Variants in PDE4B observed in about 807,000 individuals in gnomAD.
The protein encoded by PDE4B is 3',5'-cyclic-AMP phosphodiesterase 4B.
A neutral mutation model predicts 82.2 loss-of-function variants in PDE4B; 20 were observed. That is an observed-to-expected ratio of 0.24 (90% confidence interval 0.17 to 0.35). The LOEUF (loss-of-function observed/expected upper bound fraction) is 0.35, where lower values mean the gene tolerates loss of function less well. Among genes scored for constraint, PDE4B ranks in the 10% least tolerant of loss-of-function variants. The pLI is 1.00. For synonymous variants in PDE4B, 320 were observed against 318.9 expected, an observed-to-expected ratio of 1.00 and a Z score of -0.04; for missense variants, 655 against 907.2, an observed-to-expected ratio of 0.72 and a Z score of 3.57.
At chr1:65,810,455 G>A (rs1645805857) in intron 1 of PDE4B, among the ~76,000 whole-genome samples, 1 of 152,234 alleles carries the variant, frequency 6.6e-6, no homozygotes, top group South Asian at 2.1e-4. Context: ...AGTTTATATA[G>A]CGAGGGCTGA....
chr1:66,146,004 G>C (rs1377547875), intron 3 of PDE4B, among the ~76,000 whole-genome samples: 1 of 152,098 alleles, frequency 6.6e-6, no homozygotes. Context: ...AGTCAGTCAG[G>C]ACAGGAAGGC....
chr1:65,828,470 T>C (rs897723076), intron 1 of PDE4B, among the ~76,000 whole-genome samples: 1 of 152,092 alleles, frequency 6.6e-6, no homozygotes, highest in Non-Finnish European at 1.5e-5. Context: ...GGTCTTGAAC[T>C]CCTGACCTCA....
intron 3 of PDE4B, among the ~76,000 whole-genome samples, chr1:66,109,327 A>G (rs890370607): frequency 1.3e-5 from 2 of 151,934 alleles, no homozygotes; most frequent in East Asian, 3.8e-4. Context: ...GTTCATATTA[A>G]TATTGTCAAG....
At chr1:66,043,561 G>A (rs1247185084) in intron 3 of PDE4B, among the ~76,000 whole-genome samples, 2 of 151,676 alleles carry the variant, frequency 1.3e-5, no homozygotes, top group Admixed American at 6.6e-5. Flanking sequence ...CTGCTCTTTC[G>A]GGGGTTTCTG....
At chr1:65,964,240 T>C (rs1383896717) in intron 3 of PDE4B, among the ~76,000 whole-genome samples, 1 of 152,198 alleles carries the variant, frequency 6.6e-6, no homozygotes, top group Non-Finnish European at 1.5e-5. Flanking sequence ...TAATACTGTC[T>C]TTTAAAGTTG....
chr1:66,031,169 A>G (rs1452302396), intron 3 of PDE4B, among the ~76,000 whole-genome samples: 1 of 152,238 alleles, frequency 6.6e-6, no homozygotes, highest in Admixed American at 6.5e-5. Context: ...TTGGACTTCT[A>G]ATGCCAAAGA....
intron 3 of PDE4B, among the ~76,000 whole-genome samples, chr1:65,960,250 T>C (rs964853052): frequency 6.6e-6 from 1 of 152,078 alleles, no homozygotes; most frequent in Admixed American, 6.6e-5. Flanking sequence ...TGCTTTTGTG[T>C]GGCAGCGCAG....
At chr1:66,228,483 A>G (rs1570512920) in intron 3 of PDE4B, among the ~76,000 whole-genome samples, 3 of 151,998 alleles carry the variant, frequency 2.0e-5, no homozygotes, top group East Asian at 1.9e-4. Flanking sequence ...AATTAGCCAG[A>G]CATGGTGGTG....
At chr1:65,827,775 C>T (rs1646036553) in intron 1 of PDE4B, among the ~76,000 whole-genome samples, 1 of 151,958 alleles carries the variant, frequency 6.6e-6, no homozygotes, top group African/African-American at 2.4e-5. Context: ...GGTAAAACGA[C>T]ACCAAATTAT....
rs1321176 is a variant in PDE4B at position 66,257,770 on chromosome 1, C to A, written c.514-23C>A. 5.6e-6 allele frequency: 9 copies of A among 1,610,240 alleles called. No homozygotes were observed. In the African/African-American group the frequency reaches 8.0e-5, roughly 14 times the overall value. ...CCATTTGTCTTCTTTTGTCCTTAAC[C>A]GTTTAAAACATTTTTCTTCTAGGTC... On this transcript the variant is annotated intron_variant, in intron 5 of 16. Coordinates refer to ENST00000341517, the MANE Select transcript of PDE4B (RefSeq NM_002600.4).
intron 1 of PDE4B, among the ~76,000 whole-genome samples, chr1:65,891,174 A>T (rs919964817): frequency 6.6e-6 from 1 of 152,136 alleles, no homozygotes; most frequent in African/African-American, 2.4e-5. Flanking sequence ...CCTGTGGTGT[A>T]TTGCTACAGG....
chr1:65,811,261 T>C (rs906480694), intron 1 of PDE4B, among the ~76,000 whole-genome samples: 2 of 152,214 alleles, frequency 1.3e-5, no homozygotes, highest in African/African-American at 4.8e-5. Context: ...AATAGTATCT[T>C]CAGGGCTCAA....
At chr1:65,975,829 T>G in intron 3 of PDE4B, among the ~76,000 whole-genome samples, 1 of 152,000 alleles carries the variant, frequency 6.6e-6, no homozygotes, top group East Asian at 1.9e-4. Context: ...AAGACAGGAG[T>G]TGAGGATTGG....
intron 3 of PDE4B, among the ~76,000 whole-genome samples, chr1:65,978,395 C>T (rs941935356): frequency 8.0e-5 from 12 of 150,752 alleles, no homozygotes; most frequent in Admixed American, 2.7e-4. Context: ...ATACTTGGTC[C>T]GAACATTTAC....
At chr1:65,943,227 T>C (rs1483136121) in intron 3 of PDE4B, among the ~76,000 whole-genome samples, 1 of 152,000 alleles carries the variant, frequency 6.6e-6, no homozygotes, top group Non-Finnish European at 1.5e-5. Flanking sequence ...TTCTTTTGAA[T>C]GTGAATATCT....
At chr1:66,291,947 T>A (rs1433438179) in intron 7 of PDE4B, among the ~76,000 whole-genome samples, 1 of 152,186 alleles carries the variant, frequency 6.6e-6, no homozygotes, top group African/African-American at 2.4e-5. Flanking sequence ...GTTTTTTTCA[T>A]AAATGAGGGA....
At chr1:65,818,685 CAT>C (rs58193032) in intron 1 of PDE4B, among the ~76,000 whole-genome samples, 400 of 143,764 alleles carry the variant, frequency 2.8e-3, no homozygotes, top group African/African-American at 8.6e-3. Flanking sequence ...CACACACACA[CAT>C]ATATATATAT....
chr1:65,953,415 T>A (rs1649101815), intron 3 of PDE4B, among the ~76,000 whole-genome samples: 2 of 152,042 alleles, frequency 1.3e-5, no homozygotes, highest in Admixed American at 6.6e-5. Flanking sequence ...TGATCCTAGA[T>A]AATCTAGTCC....
intron 3 of PDE4B, among the ~76,000 whole-genome samples, chr1:66,227,436 T>C (rs1395335278): frequency 6.6e-6 from 1 of 152,218 alleles, no homozygotes; most frequent in Non-Finnish European, 1.5e-5. Flanking sequence ...CATAAATTGA[T>C]TGTGAAGATT....
Sources: gnomAD v4.1 joint callset for allele counts (sites outside exome capture counted in the v4.1 genomes callset) on GRCh38, gnomAD v4.1.1 for gene constraint, MANE v1.5 for transcripts, NCBI Gene and HGNC (gene_info 2026-07-23, HGNC 2026-07-21) for gene names.